Variants in PLA2G7 observed in about 807,000 individuals in gnomAD.
PLA2G7 encodes the protein phospholipase A2 group VII, also known as platelet-activating factor acetylhydrolase.
In PLA2G7, 63 loss-of-function variants were observed where a neutral mutation model predicts 49.6. The ratio of observed to expected loss-of-function variants is 1.27; its 90% confidence interval spans 1.04 to 1.57. The LOEUF is 1.57. Among genes scored for constraint, PLA2G7 ranks in the 40% most tolerant of loss-of-function variants. The pLI is 0.00. For synonymous variants in PLA2G7, 193 were observed against 169.9 expected, an observed-to-expected ratio of 1.14 and a Z score of -1.06; for missense variants, 596 against 521.2, an observed-to-expected ratio of 1.14 and a Z score of -1.40.
Position 46,722,785 on chromosome 6 carries a change from G to C in PLA2G7, c.107C>G (p.Ser36Ter). 6.3e-7 allele frequency: 1 copy of C among 1,580,426 alleles called. No homozygotes were observed. Among genetic ancestry groups the C allele is most frequent in the Non-Finnish European group, 8.7e-7 (1 of 1,149,308 alleles). The change falls in exon 2 of 12, where the codon TCA becomes TGA. Residue 36 changes from serine to a stop codon, truncating the protein, a stop_gained and splice_region_variant. Transcript: ENST00000274793. LOFTEE classifies it high-confidence loss of function. ...YINPVAHMKS[S>*]AWVNKIQVLM... ...CCTTGAACAAATACACCTCTTACCT[G>C]ATGATTTCATATGGGCAACAGGATT...
At position 46,716,384 on chromosome 6, in the gene PLA2G7, C is replaced by G. The variant is rs1353415786; in HGVS notation, c.376G>C (p.Gly126Arg). 6.2e-7 allele frequency: 1 copy of G among 1,613,828 alleles called. No homozygotes were observed. Among genetic ancestry groups the G allele is most frequent in the East Asian group, 2.2e-5 (1 of 44,878 alleles). ...LMGNILRLLF[G>R]SMTTPANWNS... ...AAAGAAGGATCAACAGAAATCTTAC[C>G]AAAGAGTAACCTCAAAATGTTGCCC... The change falls in exon 4 of 12, where the codon GGT becomes CGT. Residue 126 changes from glycine to arginine, a missense_variant and splice_region_variant. Transcript: ENST00000274793.
In PLA2G7 at chr6:46,716,989, C is replaced by T; in HGVS notation, c.217G>A (p.Asp73Asn). 1 of 1,613,634 alleles carries T rather than the reference C, an allele frequency of 6.2e-7. No homozygotes were observed. Among genetic ancestry groups the T allele is most frequent in the East Asian group, 2.2e-5 (1 of 44,864 alleles). ...CAAAGCATTACCTTATTAGTGTGAT[C>T]AAACATTAAGTCTGTACAACCAACG... ...YSVGCTDLMFDHTNKGTFLRL... is the reference protein window; with the variant it reads ...YSVGCTDLMFNHTNKGTFLRL... The change falls in exon 3 of 12, where the codon GAT becomes AAT. Residue 73 changes from aspartate (D) to asparagine (N), a missense_variant. Physicochemically the swap from Asp to Asn is conservative, Grantham distance 23. Transcript: ENST00000274793.
At chr6:46,721,998 C>A (rs1287345282) in intron 2 of PLA2G7, among the ~76,000 whole-genome samples, 4 of 152,130 alleles carry the variant, frequency 2.6e-5, no homozygotes, top group African/African-American at 7.2e-5. Context: ...CCATAGGAGA[C>A]TGGAAAGAGA....
chr6:46,726,122 C>T (rs1765567194), intron 1 of PLA2G7, among the ~76,000 whole-genome samples: 1 of 152,192 alleles, frequency 6.6e-6, no homozygotes. Context: ...ATTCCTTTTT[C>T]CAAGGTAAGA....
In PLA2G7 at chr6:46,708,166, A is replaced by G; in HGVS notation, c.870-5T>C. On this transcript the variant is annotated splice_polypyrimidine_tract_variant and splice_region_variant and intron_variant, in intron 9 of 11. Transcript: ENST00000274793. ...GCATCCAGGGCAATACCACATCTGT[A>G]GATATTTGTTGACAATGATGAAATT... 6.2e-7 allele frequency: 1 copy of G among 1,606,588 alleles called. No individual in the cohort carries two copies. Among genetic ancestry groups the G allele is most frequent in the Non-Finnish European group, 8.5e-7 (1 of 1,173,348 alleles).
In PLA2G7 at chr6:46,711,583, G is replaced by T. The variant is rs971883503; in HGVS notation, c.576C>A (p.Asp192Glu). 1 of 1,613,604 alleles carries T rather than the reference G, an allele frequency of 6.2e-7. No individual in the cohort carries two copies. The highest frequency in any genetic ancestry group is 1.7e-5 in the Admixed American group (1 of 60,000). ...TGTCCCCTATTTCTGCAGCAGATTG[G>T]TCCTTGAAATAGTAAGTTGCAGATG... ...RSASATYYFKDQSAAEIGDKS... is the reference protein window; with the variant it reads ...RSASATYYFKEQSAAEIGDKS... Residue 192 changes from aspartate (D) to glutamate (E), a missense_variant, in exon 7 of 12, where the codon GAC (aspartate) becomes GAA (glutamate). Coordinates refer to ENST00000274793, the MANE Select transcript of PLA2G7 (RefSeq NM_005084.4).
chr6:46,714,617 T>A, intron 4 of PLA2G7, 64 bp from the exon 5 acceptor site: 1 of 938,164 alleles, frequency 1.1e-6, no homozygotes, highest in Non-Finnish European at 1.8e-6. Context: ...ATTTAATTCA[T>A]ATCTCATTAG....
chr6:46,716,850 C>A (rs1667828804), intron 3 of PLA2G7, 125 bp downstream of exon 3: 1 of 966,434 alleles, frequency 1.0e-6, no homozygotes, highest in South Asian at 1.3e-5. Flanking sequence ...TCATATGAAA[C>A]AATACAAATT....
intron 1 of PLA2G7, among the ~76,000 whole-genome samples, chr6:46,731,028 C>T (rs557072981): frequency 3.3e-5 from 5 of 152,292 alleles, no homozygotes; most frequent in South Asian, 4.1e-4. Context: ...TATTAAGTCA[C>T]GAGCTGACAT....
At chr6:46,723,970 A>G (rs1357042078) in intron 1 of PLA2G7, among the ~76,000 whole-genome samples, 6 of 152,110 alleles carry the variant, frequency 3.9e-5, no homozygotes, top group East Asian at 1.9e-4. Context: ...TTCACCAAAC[A>G]TGCCAAGTAC....
chr6:46,712,776 C>T (rs539123224), intron 5 of PLA2G7, among the ~76,000 whole-genome samples: 15 of 152,234 alleles, frequency 9.9e-5, no homozygotes, highest in African/African-American at 2.9e-4. Context: ...GCATTTTTGT[C>T]CTCACCTGTA....
Position 46,731,739 on chromosome 6 carries a change from G to T in PLA2G7, c.-35+3441C>A, listed in dbSNP as rs573609630. On this transcript the variant is annotated intron_variant, in intron 1 of 11. Coordinates refer to ENST00000274793, the MANE Select transcript of PLA2G7 (RefSeq NM_005084.4). ...AATACAATATGAGCAAATAATAATG[G>T]TAATAATGTCTTACATTATGCTTCA... Among the ~76,000 whole-genome samples, 90 of 152,212 alleles carry T rather than the reference G, an allele frequency of 5.9e-4. 2 individuals carry two copies. The South Asian group carries it at 0.018, about 30-fold the overall frequency.
chr6:46,708,257 C>A, intron 9 of PLA2G7, 96 bp from the exon 10 acceptor site: 1 of 909,872 alleles, frequency 1.1e-6, no homozygotes, highest in South Asian at 1.3e-5. Context: ...GGACACGCAC[C>A]ATACCAGTTT....
chr6:46,735,312 T>A lies in PLA2G7; in HGVS notation c.-167A>T, dbSNP rs1765891284. The A allele has an allele frequency of 6.6e-6, 1 of 152,322 alleles. No homozygotes were observed. Among genetic ancestry groups the A allele is most frequent in the South Asian group, 2.1e-4 (1 of 4,830 alleles). The allele number at this position is 152,322 out of a possible 1,614,324, so 9.4% of individuals were successfully genotyped here. On this transcript the variant is annotated 5_prime_UTR_variant, in exon 1 of 12. Coordinates refer to ENST00000274793, the MANE Select transcript of PLA2G7 (RefSeq NM_005084.4). ...ACTGCGAGCCTCCGACCAGCCGCTG[T>A]CCCCCTGGCTGCGGGCCGAGCAGCT...
chr6:46,712,339 T>C lies in PLA2G7; in HGVS notation c.471-2A>G. ...ATGCCAATAGCAGAATAAAGTGTCC[T>C]TCAAAACAAAAAGAGGGAAGAATTA... On this transcript the variant is annotated splice_acceptor_variant, in intron 5 of 11. Transcript: ENST00000274793. LOFTEE classifies it high-confidence loss of function. 1 of 1,608,528 alleles carries C rather than the reference T, an allele frequency of 6.2e-7. No individual in the cohort carries two copies. Among genetic ancestry groups the C allele is most frequent in the East Asian group, 2.2e-5 (1 of 44,812 alleles).
At chr6:46,707,774 CTAATA>C (rs2150692098) in intron 10 of PLA2G7, among the ~76,000 whole-genome samples, 1 of 152,258 alleles carries the variant, frequency 6.6e-6, no homozygotes, top group Admixed American at 6.5e-5. Flanking sequence ...CAAGAACAGA[CTAATA>C]TAACCAGTAT....
Position 46,722,874 on chromosome 6 carries a change from C to A in PLA2G7, c.18G>T (p.Leu6Phe), listed in dbSNP as rs753449360. 1 of 1,612,724 alleles carries A rather than the reference C, an allele frequency of 6.2e-7. No individual in the cohort carries two copies. The highest frequency in any genetic ancestry group is 2.2e-5 in the East Asian group (1 of 44,858). ...AGCCGCAGAGGCAGAAAAGCACATG[C>A]AATTTGGGTGGCACCATCTTGGGAG... MVPPK[L>F]HVLFCLCGCL... Residue 6 changes from leucine (L) to phenylalanine (F), a missense_variant, in exon 2 of 12, where the codon TTG becomes TTT. Physicochemically the swap from Leu to Phe is conservative, Grantham distance 22. Coordinates refer to ENST00000274793, the MANE Select transcript of PLA2G7 (RefSeq NM_005084.4).
rs768627857 is a variant in PLA2G7 at position 46,722,898 on chromosome 6, A to G, written c.-7T>C. 3 of 1,561,798 alleles carry G rather than the reference A, an allele frequency of 1.9e-6. No homozygotes were observed. In the Admixed American group the frequency reaches 5.0e-5, roughly 26 times the overall value. ...GCAATTTGGGTGGCACCATCTTGGG[A>G]GCTGAGCAGCAGTTTCAGCTTAGTC... On this transcript the variant is annotated 5_prime_UTR_variant, in exon 2 of 12. Transcript: ENST00000274793.
At chr6:46,704,922 A>C (rs1258390560) in intron 11 of PLA2G7, among the ~76,000 whole-genome samples, 1 of 152,234 alleles carries the variant, frequency 6.6e-6, no homozygotes, top group East Asian at 1.9e-4. Context: ...AGTCCACTCT[A>C]GGCTTCATAC....
Sources: allele counts gnomAD v4.1 joint callset (sites outside exome capture counted in the v4.1 genomes callset), GRCh38; gene constraint gnomAD v4.1.1; transcripts MANE v1.5; gene names NCBI Gene and HGNC (gene_info 2026-07-23, HGNC 2026-07-21).